ULK2: variants seen among roughly 807,000 people sequenced by gnomAD.
ULK2 encodes unc-51 like autophagy activating kinase 2.
In ULK2, 76 loss-of-function variants were observed where a neutral mutation model predicts 127.5. The ratio of observed to expected loss-of-function variants is 0.60; its 90% confidence interval spans 0.50 to 0.72. The LOEUF is 0.72. ULK2 is among the 30% of genes least tolerant of loss of function. The probability of loss-of-function intolerance (pLI) is 0.00; values close to 1 mark genes in which losing one functional copy is unlikely to be tolerated. For missense variants in ULK2, 1,144 were observed against 1,295.9 expected, an observed-to-expected ratio of 0.88 and a Z score of 1.80; for synonymous variants, 452 against 461.9, an observed-to-expected ratio of 0.98 and a Z score of 0.28.
chr17:19,834,707 T>C (rs902273227), intron 10 of ULK2, among the ~76,000 whole-genome samples: 1 of 151,738 alleles, frequency 6.6e-6, no homozygotes, highest in African/African-American at 2.4e-5. Context: ...AACCCAGGAG[T>C]TGGCAACCAG....
In ULK2 at chr17:19,846,801, C is replaced by T. The variant is rs907190817; in HGVS notation, c.405G>A (p.Gln135=). The change falls in exon 6 of 27, where the codon CAG becomes CAA. Residue 135 remains glutamine, a synonymous_variant. Transcript: ENST00000395544. ...GATTGGCATAGGACAGCAAGATGTT[C>T]TGTGGTTTGAGATCTCTGTGGATGA... ...KGIIHRDLKP[Q]NILLSYANRR... 2.3e-5 allele frequency: 37 copies of T among 1,613,730 alleles called. No individual in the cohort carries two copies. The highest frequency in any genetic ancestry group is 3.0e-5 in the Non-Finnish European group (35 of 1,179,924).
chr17:19,852,693 C>G (rs915412680), intron 3 of ULK2, among the ~76,000 whole-genome samples: 1 of 149,936 alleles, frequency 6.7e-6, no homozygotes, highest in East Asian at 2.0e-4. Flanking sequence ...TGCAGTGGCG[C>G]AATCTCAGCT....
At chr17:19,815,432 G>A (rs1458068715) in intron 13 of ULK2, among the ~76,000 whole-genome samples, 3 of 151,908 alleles carry the variant, frequency 2.0e-5, no homozygotes, top group Admixed American at 6.6e-5. Flanking sequence ...ACAGGTGCGC[G>A]CCACCATACC....
At chr17:19,807,649 G>A (rs773046030) in intron 14 of ULK2, among the ~76,000 whole-genome samples, 1 of 151,958 alleles carries the variant, frequency 6.6e-6, no homozygotes, top group African/African-American at 2.4e-5. Context: ...AGCCAAAGAT[G>A]ACTCAAGAAG....
rs1051203123 is a variant in ULK2 at position 19,790,189 on chromosome 17, G to C, written c.2102-4103C>G. Among the ~76,000 whole-genome samples the C allele has an allele frequency of 2.0e-5, 3 of 152,156 alleles. No homozygotes were observed. The East Asian group carries it at 5.8e-4, about 29-fold the overall frequency. On this transcript the variant is annotated intron_variant, in intron 20 of 26. Transcript: ENST00000395544. The stretch of plus-strand genomic sequence containing the variant: ...CCTAGCAATTTGGGAGGCCAAGACA[G>C]GTGAATCACCTGAGGACAGGAGTTC...
At chr17:19,840,468 C>T (rs954816960) in intron 9 of ULK2, 2 of 464,466 alleles carry the variant, frequency 4.3e-6, no homozygotes, top group Non-Finnish European at 8.4e-6. Context: ...AAAAGAAAAA[C>T]TTATCCGGGA....
chr17:19,793,113 G>A (rs2087192215), intron 20 of ULK2, among the ~76,000 whole-genome samples: 1 of 152,168 alleles, frequency 6.6e-6, no homozygotes, highest in South Asian at 2.1e-4. Context: ...CGATTACAGT[G>A]GAAGGCAAAG....
chr17:19,857,951 T>C (rs2042166886), intron 3 of ULK2, among the ~76,000 whole-genome samples: 1 of 151,992 alleles, frequency 6.6e-6, no homozygotes, highest in Non-Finnish European at 1.5e-5. Context: ...CTTTATTTTC[T>C]CCCATTAACC....
intron 10 of ULK2, among the ~76,000 whole-genome samples, chr17:19,831,049 T>G (rs2041429483): frequency 6.9e-6 from 1 of 143,922 alleles, no homozygotes; most frequent in Non-Finnish European, 1.5e-5. Context: ...AAAAACTACC[T>G]GAGACTGGCC....
chr17:19,836,053 G>C (rs1040292591), intron 10 of ULK2, among the ~76,000 whole-genome samples: 6 of 151,586 alleles, frequency 4.0e-5, no homozygotes, highest in Admixed American at 1.3e-4. Flanking sequence ...GATCACCTGA[G>C]GCCAGGAGTT....
In ULK2 at chr17:19,771,601, C is replaced by T. The variant is rs1458860729; in HGVS notation, c.*4748G>A. 6.6e-6 allele frequency: 1 copy of T among 152,252 alleles called. No individual in the cohort carries two copies. Among genetic ancestry groups the T allele is most frequent in the Non-Finnish European group, 1.5e-5 (1 of 68,068 alleles). The allele number at this position is 152,252 out of a possible 1,614,324, so 9.4% of individuals were successfully genotyped here. A position where few individuals can be genotyped will look rare whatever the true frequency, so the allele number is the denominator to read the frequency against. On this transcript the variant is annotated 3_prime_UTR_variant, in exon 27 of 27. Transcript: ENST00000395544. ...ACAACGGATACAGGATTGCTGAGCC[C>T]TTCCACGTGCCAGGGGCTGGGCAAA...
At chr17:19,777,446 G>T in intron 26 of ULK2, 135 bp downstream of exon 26, 1 of 938,564 alleles carries the variant, frequency 1.1e-6, no homozygotes, top group Non-Finnish European at 1.5e-6. Context: ...CCACACAAAG[G>T]CTGTGATTTG....
intron 26 of ULK2, among the ~76,000 whole-genome samples, chr17:19,777,371 C>A (rs563423187): frequency 3.3e-5 from 5 of 152,318 alleles, no homozygotes; most frequent in Admixed American, 2.0e-4. Flanking sequence ...TCCCAAAGTG[C>A]TGGGATTACA....
intron 9 of ULK2, among the ~76,000 whole-genome samples, chr17:19,839,526 T>C (rs972473140): frequency 1.3e-5 from 2 of 151,106 alleles, no homozygotes; most frequent in Admixed American, 6.6e-5. Context: ...TTGGCCGGTG[T>C]GGTAGCCTGC....
At chr17:19,785,832 C>G (rs1398199499) in intron 21 of ULK2, 105 bp downstream of exon 21, 5 of 1,352,254 alleles carry the variant, frequency 3.7e-6, no homozygotes, top group Non-Finnish European at 4.9e-6. Flanking sequence ...GAAACTGAAG[C>G]CCAGAGAATT....
intron 3 of ULK2, among the ~76,000 whole-genome samples, chr17:19,852,755 C>T (rs547225977): frequency 4.9e-4 from 74 of 151,066 alleles, no homozygotes; most frequent in Non-Finnish European, 8.1e-4. Context: ...CTCAGTCTCC[C>T]GAGTAGCTGG....
At chr17:19,813,674 T>C (rs2040896988) in intron 13 of ULK2, among the ~76,000 whole-genome samples, 3 of 152,150 alleles carry the variant, frequency 2.0e-5, no homozygotes, top group South Asian at 2.1e-4. Flanking sequence ...CACAAAGATC[T>C]TGACAGGAGC....
chr17:19,781,128 A>C (rs1324827976), intron 23 of ULK2, 24 bp from the exon 24 acceptor site: 1 of 1,607,912 alleles, frequency 6.2e-7, no homozygotes, highest in Non-Finnish European at 8.5e-7. Context: ...ACAGTAGCAG[A>C]GGGTTATCTT....
At chr17:19,784,141 C>T in intron 21 of ULK2, 1 of 359,312 alleles carries the variant, frequency 2.8e-6, no homozygotes, top group Non-Finnish European at 4.9e-6. Flanking sequence ...TTTTTTTATA[C>T]TCTGTTTTAA....
Sources: gnomAD v4.1 joint callset for allele counts (sites outside exome capture counted in the v4.1 genomes callset) on GRCh38, gnomAD v4.1.1 for gene constraint, MANE v1.5 for transcripts, NCBI Gene and HGNC (gene_info 2026-07-23, HGNC 2026-07-21) for gene names.